The following PLD5 variants were observed in gnomAD, a reference collection of about 807,000 sequenced individuals.
The protein encoded by PLD5 is phospholipase D family member 5, also known as inactive phospholipase D5.
In PLD5, 36 loss-of-function variants were observed where a neutral mutation model predicts 61.1. The observed-to-expected ratio is 0.59, with a 90% CI of 0.45 to 0.78. The LOEUF (loss-of-function observed/expected upper bound fraction) is 0.78, where lower values mean the gene tolerates loss of function less well. Among genes scored for constraint, PLD5 ranks in the 30% least tolerant of loss-of-function variants. The probability of loss-of-function intolerance (pLI) is 0.00; values close to 1 mark genes in which losing one functional copy is unlikely to be tolerated. For synonymous variants in PLD5, 243 were observed against 242.8 expected (o/e 1.00, Z -0.01); for missense variants, 515 against 644.4 (o/e 0.80, Z 2.17).
At chr1:242,207,651 C>T (rs1277859271) in intron 5 of PLD5, among the ~76,000 whole-genome samples, 7 of 149,730 alleles carry the variant, frequency 4.7e-5, no homozygotes, top group African/African-American at 9.8e-5. Flanking sequence ...CATCCATCAA[C>T]ACCTTGTCTT....
intron 1 of PLD5, among the ~76,000 whole-genome samples, chr1:242,507,875 C>T (rs760921869): frequency 8.6e-4 from 131 of 152,278 alleles, no homozygotes; most frequent in Admixed American, 1.6e-3. Flanking sequence ...AGATACTGGC[C>T]TACTTACTTT....
At chr1:242,392,130 A>G (rs921424472) in intron 1 of PLD5, among the ~76,000 whole-genome samples, 1 of 152,214 alleles carries the variant, frequency 6.6e-6, no homozygotes, top group African/African-American at 2.4e-5. Flanking sequence ...GCTGGAAGCC[A>G]TTATCCTAAA....
intron 4 of PLD5, among the ~76,000 whole-genome samples, chr1:242,238,351 G>A (rs1163579824): frequency 1.3e-5 from 2 of 152,182 alleles, no homozygotes; most frequent in African/African-American, 4.8e-5. Flanking sequence ...GCACTTCATG[G>A]ATACTCTGCA....
intron 1 of PLD5, among the ~76,000 whole-genome samples, chr1:242,373,835 G>GAT (rs144347813): frequency 0.057 from 8,595 of 151,578 alleles, 315 homozygotes; most frequent in Middle Eastern, 0.092. Flanking sequence ...AGCATTAGGA[G>GAT]ATATATATAT....
intron 4 of PLD5, among the ~76,000 whole-genome samples, chr1:242,224,421 A>C (rs1670799333): frequency 6.6e-6 from 1 of 152,106 alleles, no homozygotes; most frequent in Non-Finnish European, 1.5e-5. Context: ...TAACAGAAAC[A>C]CTTCAGATTT....
chr1:242,256,489 G>A lies in PLD5; in HGVS notation c.607+8848C>T, dbSNP rs1389753361. ...CGAATGTATTGGTGTCTTGTAGCGGGGGTTGAAAGGAACAAACTTAGATTC... is the reference window on the plus strand; with the variant it reads ...CGAATGTATTGGTGTCTTGTAGCGGAGGTTGAAAGGAACAAACTTAGATTC... On this transcript the variant is annotated intron_variant, in intron 4 of 9. Coordinates refer to ENST00000536534, the MANE Select transcript of PLD5 (RefSeq NM_001372062.1). This position sits in a 1 kb window ranked among gnomAD's most constrained non-coding sequence, Gnocchi z 5.7. Among the ~76,000 whole-genome samples, 1 of 152,140 alleles carries A rather than the reference G, an allele frequency of 6.6e-6. No individual in the cohort carries two copies. Among genetic ancestry groups the A allele is most frequent in the East Asian group, 1.9e-4 (1 of 5,186 alleles).
Position 242,323,662 on chromosome 1 carries a change from C to A in PLD5, c.326+24444G>T, listed in dbSNP as rs6688743. Among the ~76,000 whole-genome samples, 715 of 152,326 alleles carry A rather than the reference C, an allele frequency of 4.7e-3. 3 individuals are homozygous for A. Among genetic ancestry groups the A allele is most frequent in the Non-Finnish European group, 5.7e-3 (390 of 68,024 alleles). ...CTGCATAGGAACTGCTGCCCCCATT[C>A]AGAATTCTGCACACAAGCCTGTAAT... On this transcript the variant is annotated intron_variant, in intron 2 of 9. Coordinates refer to ENST00000536534, the MANE Select transcript of PLD5 (RefSeq NM_001372062.1).
chr1:242,373,657 G>C (rs555012718), intron 1 of PLD5, among the ~76,000 whole-genome samples: 3 of 152,170 alleles, frequency 2.0e-5, no homozygotes, highest in Admixed American at 1.3e-4. Flanking sequence ...GTAGGGACAT[G>C]GATGAAACTG....
At chr1:242,388,737 A>G (rs1430612299) in intron 1 of PLD5, among the ~76,000 whole-genome samples, 2 of 152,104 alleles carry the variant, frequency 1.3e-5, no homozygotes, top group African/African-American at 4.8e-5. Flanking sequence ...TGGGTGGATC[A>G]CGAGGTCAGG....
intron 1 of PLD5, among the ~76,000 whole-genome samples, chr1:242,435,701 T>C (rs1665960776): frequency 6.6e-6 from 1 of 152,206 alleles, no homozygotes; most frequent in Non-Finnish European, 1.5e-5. Context: ...TAGCCTTGTA[T>C]TTCCTAAAAG....
At chr1:242,109,315 T>C (rs1244847050) in intron 7 of PLD5, among the ~76,000 whole-genome samples, 2 of 152,088 alleles carry the variant, frequency 1.3e-5, no homozygotes, top group Non-Finnish European at 1.5e-5. Flanking sequence ...CCGTCTCTAA[T>C]AAAAATACAA....
intron 3 of PLD5, among the ~76,000 whole-genome samples, chr1:242,278,924 T>C (rs1476283924): frequency 6.6e-6 from 1 of 152,230 alleles, no homozygotes; most frequent in Non-Finnish European, 1.5e-5. Context: ...GGGCACTCTT[T>C]CCGTGAGGTT....
At chr1:242,220,203 C>T (rs1448300669) in intron 4 of PLD5, 88 bp from the exon 5 acceptor site, 2 of 1,508,254 alleles carry the variant, frequency 1.3e-6, no homozygotes, top group Non-Finnish European at 1.8e-6. Context: ...ATTCATGGTT[C>T]ACCATTTGTC....
At chr1:242,492,947 G>A (rs1267561131) in intron 1 of PLD5, among the ~76,000 whole-genome samples, 5 of 152,086 alleles carry the variant, frequency 3.3e-5, no homozygotes, top group Non-Finnish European at 5.9e-5. Flanking sequence ...CCATCACATG[G>A]GAGGTAGGAT....
intron 6 of PLD5, among the ~76,000 whole-genome samples, chr1:242,118,838 T>C (rs1483548149): frequency 6.6e-6 from 1 of 152,202 alleles, no homozygotes; most frequent in Non-Finnish European, 1.5e-5. Context: ...CCTTTAAAAA[T>C]AGTGCCTGGA....
intron 1 of PLD5, among the ~76,000 whole-genome samples, chr1:242,485,929 A>G (rs1252819680): frequency 2.0e-5 from 3 of 152,206 alleles, no homozygotes; most frequent in South Asian, 2.1e-4. Flanking sequence ...CAACTATCTG[A>G]TCTTTGACAA....
intron 2 of PLD5, among the ~76,000 whole-genome samples, chr1:242,341,407 T>A (rs1438143466): frequency 6.6e-6 from 1 of 152,202 alleles, no homozygotes; most frequent in African/African-American, 2.4e-5. Context: ...GGCAGCTGAG[T>A]TATTGATATA....
In PLD5 at chr1:242,113,300, A is replaced by G. The variant is rs895104674; in HGVS notation, c.1070+590T>C. ...AGTGGAGACGGGGTTTCACCATGTT[A>G]GCCAGGATGGTCTCGATCTCCTGAC... On this transcript the variant is annotated intron_variant, in intron 7 of 9. Transcript: ENST00000536534. Among the ~76,000 whole-genome samples, 9 of 152,032 alleles carry G rather than the reference A, an allele frequency of 5.9e-5. No individual in the cohort carries two copies. The East Asian group carries it at 1.4e-3, about 23-fold the overall frequency.
At chr1:242,376,320 G>A (rs373665256) in intron 1 of PLD5, among the ~76,000 whole-genome samples, 5 of 152,178 alleles carry the variant, frequency 3.3e-5, no homozygotes, top group African/African-American at 9.6e-5. Flanking sequence ...AACACCCTTC[G>A]GCGTGGCCTG....
Sources: allele counts gnomAD v4.1 joint callset (sites outside exome capture counted in the v4.1 genomes callset), GRCh38; gene constraint gnomAD v4.1.1; non-coding constraint Gnocchi (gnomAD v3.1); transcripts MANE v1.5; gene names NCBI Gene and HGNC (gene_info 2026-07-23, HGNC 2026-07-21).